Variants in MED13 observed in about 807,000 individuals in gnomAD.
The protein encoded by MED13 is mediator of RNA polymerase II transcription subunit 13.
In MED13, 23 loss-of-function variants were observed where a neutral mutation model predicts 225.2. The ratio of observed to expected loss-of-function variants is 0.10; its 90% CI spans 0.07 to 0.14. The LOEUF (loss-of-function observed/expected upper bound fraction) is 0.14, where lower values mean the gene tolerates loss of function less well. Among genes scored for constraint, MED13 ranks in the 10% least tolerant of loss-of-function variants. The pLI is 1.00. For synonymous variants in MED13, 942 were observed against 889.2 expected (o/e 1.06, Z -1.06); for missense variants, 2,197 against 2,594.5 (o/e 0.85, Z 3.33).
rs1397735977 is a variant in MED13, at chr17:61,942,852, G to C, written c.*3616C>G. On this transcript the variant is annotated 3_prime_UTR_variant, in exon 30 of 30. Transcript: ENST00000397786. ...AAACGCCCCTTCATAAAGTGACCAA[G>C]CTATTTTGAGAGGGTTGATGCTGAC... 1 of 152,474 alleles carries C rather than the reference G, an allele frequency of 6.6e-6. No individual in the cohort carries two copies. The highest frequency in any genetic ancestry group is 6.5e-5 in the Admixed American group (1 of 15,268). 9.4% of individuals were successfully genotyped at this position (152,474 alleles called of 1,614,324 possible).
rs552747665 is a variant in MED13, at chr17:61,946,231, C to T, written c.*237G>A. 29 of 368,912 alleles carry T rather than the reference C, an allele frequency of 7.9e-5. No homozygotes were observed. The highest frequency in any genetic ancestry group is 1.2e-4 in the Non-Finnish European group (25 of 210,448). The allele number at this position is 368,912 out of a possible 1,614,324, so 22.9% of individuals were successfully genotyped here. A position where few individuals can be genotyped will look rare whatever the true frequency, so the allele number is the denominator to read the frequency against. On this transcript the variant is annotated 3_prime_UTR_variant, in exon 30 of 30. Transcript: ENST00000397786. ...GAAAAAAAAAAGGTTAATTTTGCTA[C>T]GAAAATGTTATAATACGTTTTGTAT...
chr17:61,969,366 C>A (rs9944499), intron 17 of MED13, among the ~76,000 whole-genome samples: 140,409 of 150,212 alleles, frequency 0.93, 65,315 homozygotes, highest in African/African-American at 0.96. Flanking sequence ...AACAAACAAA[C>A]AAAAAATTGG....
At chr17:62,049,329 T>G (rs1210039814) in intron 3 of MED13, among the ~76,000 whole-genome samples, 1 of 152,178 alleles carries the variant, frequency 6.6e-6, no homozygotes, top group Non-Finnish European at 1.5e-5. Context: ...AGTCTACTGA[T>G]GAACTACCAA....
chr17:62,016,237 T>C (rs949244680), intron 8 of MED13, among the ~76,000 whole-genome samples: 2 of 150,644 alleles, frequency 1.3e-5, no homozygotes, highest in Non-Finnish European at 3.0e-5. Flanking sequence ...TCTTTTTTTT[T>C]CCTCATGCTG....
At chr17:62,056,611 A>C (rs200419527) in intron 2 of MED13, among the ~76,000 whole-genome samples, 38 of 143,978 alleles carry the variant, frequency 2.6e-4, no homozygotes, top group African/African-American at 1.0e-3. Context: ...AACTTTTTTT[A>C]GTTAGTAGGG....
intron 4 of MED13, among the ~76,000 whole-genome samples, chr17:62,034,485 T>TAA (rs2080785010): frequency 1.4e-5 from 1 of 73,188 alleles, no homozygotes; most frequent in Non-Finnish European, 2.2e-5. Context: ...AGACTTCATC[T>TAA]CAAAAAAAAA....
chr17:61,999,158 T>C lies in MED13; in HGVS notation c.1968-3793A>G, dbSNP rs73334691. 6.4e-3 allele frequency among the ~76,000 whole-genome samples: 968 copies of C among 152,300 alleles called. 9 individuals carry two copies. The highest frequency in any genetic ancestry group is 0.022 in the African/African-American group (915 of 41,566). On this transcript the variant is annotated intron_variant, in intron 9 of 29. Transcript: ENST00000397786. The stretch of plus-strand genomic sequence containing the variant: ...ACTATGTTTTAGAGATCAAATAATG[T>C]ATTCTACAACTATATACATACAAAT...
At chr17:61,961,328 A>G (rs768401322) in intron 22 of MED13, among the ~76,000 whole-genome samples, 6 of 151,898 alleles carry the variant, frequency 4.0e-5, no homozygotes, top group Non-Finnish European at 5.9e-5. Context: ...AGGAGTTCGA[A>G]ACCAACCTGG....
chr17:61,951,027 A>G (rs1389216350), intron 27 of MED13, 29 bp from the exon 28 acceptor site: 1 of 1,575,392 alleles, frequency 6.3e-7, no homozygotes, highest in Non-Finnish European at 8.7e-7. Flanking sequence ...AAAGTATATT[A>G]GTTCACTCAG....
At chr17:62,031,718 GA>G in intron 5 of MED13, 80 bp from the exon 6 acceptor site, 2 of 811,314 alleles carry the variant, frequency 2.5e-6, no homozygotes, top group Non-Finnish European at 3.6e-6. Context: ...TACTATAATG[GA>G]AAAGTAGGTA....
chr17:62,035,939 G>A (rs2080799369), intron 3 of MED13, among the ~76,000 whole-genome samples: 1 of 151,938 alleles, frequency 6.6e-6, no homozygotes, highest in Non-Finnish European at 1.5e-5. Context: ...AAATAGTAGG[G>A]TCAATTTTTT....
chr17:61,984,151 T>G lies in MED13; in HGVS notation c.2888+20A>C. On this transcript the variant is annotated intron_variant, in intron 15 of 29. Transcript: ENST00000397786. ...AGCTGTATAAGCAGTCACATACTAT[T>G]GTAACAACATAAATCATACCCCTCT... The G allele has an allele frequency of 6.7e-7, 1 of 1,482,614 alleles. No homozygotes were observed. Among genetic ancestry groups the G allele is most frequent in the South Asian group, 1.5e-5 (1 of 67,898 alleles). 91.8% of individuals were successfully genotyped at this position (1,482,614 alleles called of 1,614,324 possible). A position where few individuals can be genotyped will look rare whatever the true frequency, so the allele number is the denominator to read the frequency against.
At position 61,987,019 on chromosome 17, in the gene MED13, T is replaced by C; in HGVS notation, c.2373A>G (p.Glu791=). The change falls in exon 12 of 30, where the codon GAA becomes GAG. Residue 791 remains glutamate, a synonymous_variant. Coordinates refer to ENST00000397786, the MANE Select transcript of MED13 (RefSeq NM_005121.3). ...TDLDNLFNSD[E]DELTPGSKKS... Reference sequence around the variant, plus strand: ...ATGAGATACTCACTGTTAGTTCATCTTCATCAGAATTGAAGAGATTATCAA... The same window carrying C: ...ATGAGATACTCACTGTTAGTTCATCCTCATCAGAATTGAAGAGATTATCAA... 6.4e-7 allele frequency: 1 copy of C among 1,570,470 alleles called. No individual in the cohort carries two copies. Among genetic ancestry groups the C allele is most frequent in the Non-Finnish European group, 8.6e-7 (1 of 1,160,316 alleles).
chr17:61,947,760 T>A (rs923040731), intron 28 of MED13, among the ~76,000 whole-genome samples: 12 of 152,152 alleles, frequency 7.9e-5, no homozygotes, highest in Non-Finnish European at 7.3e-5. Flanking sequence ...GATATGGCAA[T>A]GAATAGTGGG....
chr17:61,945,367 C>G lies in MED13; in HGVS notation c.*1101G>C, dbSNP rs542341731. 5.2e-4 allele frequency: 80 copies of G among 152,546 alleles called. No homozygotes were observed. Among genetic ancestry groups the G allele is most frequent in the African/African-American group, 1.8e-3 (73 of 41,506 alleles). 9.4% of individuals were successfully genotyped at this position (152,546 alleles called of 1,614,324 possible). The stretch of plus-strand genomic sequence containing the variant: ...GCTGGGCTAAATTTCAACCTTATAG[C>G]AGATCCTGAAAATAAATTTCATAAT... On this transcript the variant is annotated 3_prime_UTR_variant, in exon 30 of 30. Coordinates refer to ENST00000397786, the MANE Select transcript of MED13 (RefSeq NM_005121.3).
chr17:62,045,438 A>C (rs2080889868), intron 3 of MED13, among the ~76,000 whole-genome samples: 1 of 152,084 alleles, frequency 6.6e-6, no homozygotes, highest in Non-Finnish European at 1.5e-5. Context: ...TGGGAGAACC[A>C]ATTAGGCCCA....
At chr17:62,031,416 G>A (rs776279977) in intron 6 of MED13, 28 bp downstream of exon 6, 1 of 1,509,732 alleles carries the variant, frequency 6.6e-7, no homozygotes, top group Non-Finnish European at 8.9e-7. Flanking sequence ...CAAATTACCA[G>A]AGCTGATGAG....
chr17:62,020,471 G>T (rs1055583492), intron 8 of MED13, among the ~76,000 whole-genome samples: 3 of 152,036 alleles, frequency 2.0e-5, no homozygotes, highest in African/African-American at 7.2e-5. Context: ...CTGCCTCCCA[G>T]GTTCAAGCGA....
chr17:62,052,382 TA>T (rs201715960), intron 3 of MED13, among the ~76,000 whole-genome samples, 154 bp downstream of exon 3: 1,776 of 141,854 alleles, frequency 0.013, 14 homozygotes, highest in Middle Eastern at 0.047. Flanking sequence ...TAAAGTGGTT[TA>T]AAAAAAAAAA....
Sources: gnomAD v4.1 joint callset for allele counts (sites outside exome capture counted in the v4.1 genomes callset) on GRCh38, gnomAD v4.1.1 for gene constraint, MANE v1.5 for transcripts, NCBI Gene and HGNC (gene_info 2026-07-23, HGNC 2026-07-21) for gene names.